Variants in THSD4 observed in about 807,000 individuals in gnomAD.
The protein encoded by THSD4 is thrombospondin type 1 domain containing 4, also known as thrombospondin type-1 domain-containing protein 4.
A neutral mutation model predicts 119.0 loss-of-function variants in THSD4; 69 were observed. The observed-to-expected ratio is 0.58, with a 90% CI of 0.48 to 0.71. THSD4 has a LOEUF of 0.71. THSD4 is among the 30% of genes least tolerant of loss of function. THSD4 has a pLI of 0.00. For synonymous variants in THSD4, 524 were observed against 540.4 expected (o/e 0.97, Z 0.42); for missense variants, 1,393 against 1,391.1 (o/e 1.00, Z -0.02).
intron 6 of THSD4, among the ~76,000 whole-genome samples, chr15:71,380,891 C>T (rs990687171): frequency 1.3e-5 from 2 of 152,180 alleles, no homozygotes; most frequent in Admixed American, 6.5e-5. Flanking sequence ...ATTCCTTTCC[C>T]TTTCTCTTAT....
At chr15:71,370,179 C>T (rs2046024695) in intron 6 of THSD4, among the ~76,000 whole-genome samples, 1 of 151,866 alleles carries the variant, frequency 6.6e-6, no homozygotes, top group Admixed American at 6.6e-5. Context: ...CTCTTTTCTT[C>T]TTTATTAGTA....
At chr15:71,448,996 C>G (rs2047227737) in intron 7 of THSD4, among the ~76,000 whole-genome samples, 1 of 152,216 alleles carries the variant, frequency 6.6e-6, no homozygotes, top group Non-Finnish European at 1.5e-5. Flanking sequence ...CCCTTGCCTT[C>G]TGTTCATTCT....
rs371328721 is a variant in THSD4, at chr15:71,608,865, A to G, written c.1153-51665A>G. On this transcript the variant is annotated intron_variant, in intron 7 of 17. Coordinates refer to ENST00000261862, the MANE Select transcript of THSD4 (RefSeq NM_024817.3). ...TATTATCCCCAATATGTAGATAAGG[A>G]AAGTGGGGCCGGTGGATGATTTCAC... Among the ~76,000 whole-genome samples the G allele has an allele frequency of 2.0e-3, 303 of 152,374 alleles. 17 individuals carry two copies. In the South Asian group the frequency reaches 0.055, roughly 28 times the overall value.
chr15:71,199,884 ATGTGTGGTATGTGTGTGTGG>A (rs1225099251), intron 3 of THSD4, among the ~76,000 whole-genome samples: 6 of 25,692 alleles, frequency 2.3e-4, no homozygotes, highest in East Asian at 1.0e-3. Context: ...TGTGTGGTGC[ATGTGTGGTATGTGTGTGTGG>A]TGCATGTGTG....
chr15:71,669,345 T>A (rs921055399), intron 8 of THSD4, among the ~76,000 whole-genome samples: 1 of 152,256 alleles, frequency 6.6e-6, no homozygotes, highest in African/African-American at 2.4e-5. Flanking sequence ...GTGATGTCTA[T>A]CTAAAATATT....
chr15:71,226,194 G>T (rs2044016966), intron 4 of THSD4, among the ~76,000 whole-genome samples: 1 of 151,962 alleles, frequency 6.6e-6, no homozygotes, highest in African/African-American at 2.4e-5. Flanking sequence ...CTGTTGTGAG[G>T]GTCAAATGAG....
chr15:71,266,985 G>C (rs191239958), intron 6 of THSD4, among the ~76,000 whole-genome samples: 83 of 152,284 alleles, frequency 5.5e-4, no homozygotes, highest in African/African-American at 1.9e-3. Context: ...ACCTATGTTT[G>C]ATTGGTGTAC....
chr15:71,439,327 C>T (rs573956802), intron 7 of THSD4, among the ~76,000 whole-genome samples: 2 of 152,216 alleles, frequency 1.3e-5, no homozygotes, highest in South Asian at 4.1e-4. Flanking sequence ...GTTCTATTTT[C>T]ACAATTCCCA....
chr15:71,185,758 T>C (rs140538974), intron 3 of THSD4: 5 of 152,296 alleles, frequency 3.3e-5, no homozygotes, highest in African/African-American at 1.2e-4. Context: ...ATTCAGATAA[T>C]GCAGGAGGTT....
chr15:71,205,869 C>CTTT (rs36119455), intron 3 of THSD4, among the ~76,000 whole-genome samples: 17 of 130,828 alleles, frequency 1.3e-4, no homozygotes, highest in Non-Finnish European at 1.6e-4. Context: ...TGGAGATTCT[C>CTTT]TTTTTTTTTT....
At chr15:71,315,309 C>T (rs906089659) in intron 6 of THSD4, among the ~76,000 whole-genome samples, 6 of 152,220 alleles carry the variant, frequency 3.9e-5, no homozygotes, top group African/African-American at 1.4e-4. Context: ...TCCTTCTTGC[C>T]CAAAACCTGG....
rs555741495 is a variant in THSD4 at position 71,313,818 on chromosome 15, G to A, written c.1015+57103G>A. Among the ~76,000 whole-genome samples, 161 of 152,244 alleles carry A rather than the reference G, an allele frequency of 1.1e-3. 1 individual carries two copies. The highest frequency in any genetic ancestry group is 3.7e-3 in the African/African-American group (152 of 41,524). On this transcript the variant is annotated intron_variant, in intron 6 of 17. Coordinates refer to ENST00000261862, the MANE Select transcript of THSD4 (RefSeq NM_024817.3). ...GGTTTGTACCGACTGGGGGCTCTCC[G>A]TAGCTTTCATGCCATTGCTGGTATC... is the stretch of plus-strand genomic sequence containing the variant.
chr15:71,229,216 C>T (rs2044042213), intron 4 of THSD4, among the ~76,000 whole-genome samples: 1 of 152,212 alleles, frequency 6.6e-6, no homozygotes, highest in African/African-American at 2.4e-5. Context: ...TCAGTTTCCT[C>T]ATCTATAAAA....
intron 6 of THSD4, among the ~76,000 whole-genome samples, chr15:71,261,474 G>A (rs2044398547): frequency 6.6e-6 from 1 of 152,196 alleles, no homozygotes; most frequent in Non-Finnish European, 1.5e-5. Context: ...ACCAGTTTGT[G>A]TGATATATTA....
chr15:71,665,110 A>T (rs1363914563), intron 8 of THSD4, among the ~76,000 whole-genome samples: 1 of 152,216 alleles, frequency 6.6e-6, no homozygotes, highest in Non-Finnish European at 1.5e-5. Flanking sequence ...CATTTCCAGC[A>T]ACAGTGTATA....
intron 6 of THSD4, among the ~76,000 whole-genome samples, chr15:71,310,046 A>G (rs4777367): frequency 0.94 from 142,564 of 152,244 alleles, 67,475 homozygotes; most frequent in East Asian, 1. Flanking sequence ...ATGTCAGCTG[A>G]CATACCATAG....
chr15:71,328,808 A>G (rs192600037), intron 6 of THSD4, among the ~76,000 whole-genome samples: 33 of 152,336 alleles, frequency 2.2e-4, no homozygotes, highest in Middle Eastern at 3.4e-3. Context: ...GGCCCTCTGC[A>G]GATGTCCCAT....
At chr15:71,625,356 G>A (rs1285496478) in intron 7 of THSD4, among the ~76,000 whole-genome samples, 1 of 152,178 alleles carries the variant, frequency 6.6e-6, no homozygotes, top group Non-Finnish European at 1.5e-5. Context: ...CAGGGTTCTT[G>A]GAGATGAGAT....
intron 7 of THSD4, among the ~76,000 whole-genome samples, chr15:71,493,460 T>C (rs540259292): frequency 3.9e-5 from 6 of 152,366 alleles, no homozygotes; most frequent in African/African-American, 1.4e-4. Context: ...ATGTGATCTT[T>C]ATCATCTGTG....
Sources: allele counts gnomAD v4.1 joint callset (sites outside exome capture counted in the v4.1 genomes callset), GRCh38; gene constraint gnomAD v4.1.1; transcripts MANE v1.5; gene names NCBI Gene and HGNC (gene_info 2026-07-23, HGNC 2026-07-21).